PIK3AP1: variants seen among roughly 807,000 people sequenced by gnomAD.
PIK3AP1 encodes the protein phosphoinositide-3-kinase adaptor protein 1.
In PIK3AP1, 21 loss-of-function variants were observed where a neutral mutation model predicts 88.1. The observed-to-expected ratio is 0.24, with a 90% CI of 0.17 to 0.34. PIK3AP1 has a LOEUF of 0.34. Among genes scored for constraint, PIK3AP1 ranks in the 10% least tolerant of loss-of-function variants. The pLI, the probability that PIK3AP1 is intolerant of heterozygous loss-of-function variation, is 1.00. For missense variants in PIK3AP1, 828 were observed against 1,035.7 expected (o/e 0.80, Z 2.75); for synonymous variants, 398 against 400.0 (o/e 1.00, Z 0.06).
chr10:96,657,055 C>G (rs1843624807), intron 2 of PIK3AP1, 121 bp from the exon 3 acceptor site: 1 of 1,031,090 alleles, frequency 9.7e-7, no homozygotes, highest in Non-Finnish European at 1.4e-6. Context: ...CAAACCAATA[C>G]AAGCAGAAGG....
In PIK3AP1 at chr10:96,709,974, C is replaced by T; in HGVS notation, c.23G>A (p.Arg8Lys). The T allele has an allele frequency of 6.3e-7, 1 of 1,583,220 alleles. No homozygotes were observed. Among genetic ancestry groups the T allele is most frequent in the African/African-American group, 1.3e-5 (1 of 74,554 alleles). The change falls in exon 2 of 17, where the codon AGA becomes AAA. Residue 8 changes from arginine to lysine, a missense_variant. This residue lies in a region of PIK3AP1 where 610 missense variants were observed against 760.1 expected (regional missense o/e 0.80). Transcript: ENST00000339364. The stretch of plus-strand genomic sequence containing the variant: ...GTAGACGATGAGGATGTCGCATCCT[C>T]TGGGCACCCCTGGACAAGAATGAGG... Reference protein sequence around the residue: MAASGVPRGCDILIVYSP... With the variant: MAASGVPKGCDILIVYSP...
intron 2 of PIK3AP1, among the ~76,000 whole-genome samples, chr10:96,687,648 A>C (rs1441391487): frequency 6.6e-6 from 1 of 151,954 alleles, no homozygotes; most frequent in Non-Finnish European, 1.5e-5. Flanking sequence ...TTCCCTCCTA[A>C]ATCTCGTACA....
At chr10:96,631,296 A>C (rs1444296721) in intron 8 of PIK3AP1, among the ~76,000 whole-genome samples, 2 of 152,234 alleles carry the variant, frequency 1.3e-5, no homozygotes, top group African/African-American at 4.8e-5. Flanking sequence ...TGCAAACCTC[A>C]CACAATCTGT....
chr10:96,634,078 C>T (rs1346269463), intron 8 of PIK3AP1, among the ~76,000 whole-genome samples: 2 of 152,230 alleles, frequency 1.3e-5, no homozygotes, highest in Admixed American at 6.5e-5. Flanking sequence ...ACCTATCACA[C>T]TCTTTATTGG....
At chr10:96,648,619 G>A (rs377715162) in intron 7 of PIK3AP1, 40 bp downstream of exon 7, 152 of 1,564,322 alleles carry the variant, frequency 9.7e-5, no homozygotes, top group Non-Finnish European at 1.2e-4. Context: ...CTACCACAGA[G>A]TGCATTTCCA....
chr10:96,701,367 T>C (rs1844295882), intron 2 of PIK3AP1, among the ~76,000 whole-genome samples: 1 of 152,230 alleles, frequency 6.6e-6, no homozygotes, highest in South Asian at 2.1e-4. Context: ...CCAAAGGCCC[T>C]GTGTTCCAAA....
At chr10:96,703,606 C>T (rs1564989551) in intron 2 of PIK3AP1, among the ~76,000 whole-genome samples, 1 of 152,048 alleles carries the variant, frequency 6.6e-6, no homozygotes, top group Non-Finnish European at 1.5e-5. Context: ...AAGAATAGAG[C>T]CCCAGTAAAA....
chr10:96,623,638 T>C, intron 10 of PIK3AP1, 101 bp from the exon 11 acceptor site: 1 of 1,037,776 alleles, frequency 9.6e-7, no homozygotes, highest in Non-Finnish European at 1.4e-6. Context: ...TATGTGGTTC[T>C]GTAAATCAAA....
chr10:96,610,875 AC>A lies in PIK3AP1; in HGVS notation c.2015-1009del, dbSNP rs377321339. On this transcript the variant is annotated intron_variant, in intron 13 of 16. Coordinates refer to ENST00000339364, the MANE Select transcript of PIK3AP1 (RefSeq NM_152309.3). ...CTCAAGACTCCCCCGGCTGCCTGGG[AC>A]CTTCTCAAGCCCAGGGGCAGGGTTT... 2.8e-3 allele frequency among the ~76,000 whole-genome samples: 428 copies of A among 152,272 alleles called. 1 individual carries two copies. Among genetic ancestry groups the A allele is most frequent in the Non-Finnish European group, 4.3e-3 (295 of 68,002 alleles).
Position 96,648,782 on chromosome 10 carries a change from C to T in PIK3AP1, c.1062G>A (p.Leu354=). ...AKYGLKNLTA[L]LLTCPGALQA... ...GCAGGGCTCCTGGGCAGGTGAGCAACAAGGCAGTGAGGTTCTTCAGTCCAT... is the reference window on the plus strand; with the variant it reads ...GCAGGGCTCCTGGGCAGGTGAGCAATAAGGCAGTGAGGTTCTTCAGTCCAT... Residue 354 remains leucine, a synonymous_variant, in exon 7 of 17, where the codon TTG becomes TTA. Coordinates refer to ENST00000339364, the MANE Select transcript of PIK3AP1 (RefSeq NM_152309.3). 6.2e-7 allele frequency: 1 copy of T among 1,609,618 alleles called. No homozygotes were observed. Among genetic ancestry groups the T allele is most frequent in the Non-Finnish European group, 8.5e-7 (1 of 1,178,270 alleles).
intron 8 of PIK3AP1, among the ~76,000 whole-genome samples, chr10:96,644,118 G>A (rs984163929): frequency 5.9e-5 from 9 of 152,182 alleles, no homozygotes; most frequent in African/African-American, 9.7e-5. Context: ...AAGGGTGGTG[G>A]CACTGCCCCC....
chr10:96,623,876 A>G (rs1017743158), intron 10 of PIK3AP1, among the ~76,000 whole-genome samples: 1 of 152,248 alleles, frequency 6.6e-6, no homozygotes, highest in Non-Finnish European at 1.5e-5. Context: ...AAAAGGAAGT[A>G]CCACTTAAAA....
At chr10:96,596,351 CTCACTGGCCCTGATGCTTCCCCATG>C (rs1403129209) in intron 16 of PIK3AP1, among the ~76,000 whole-genome samples, 1 of 152,242 alleles carries the variant, frequency 6.6e-6, no homozygotes, top group Non-Finnish European at 1.5e-5. Flanking sequence ...CCTCTGCCTC[CTCACTGGCCCTGATGCTTCCCCATG>C]TAGCCCCCTA....
intron 2 of PIK3AP1, among the ~76,000 whole-genome samples, chr10:96,690,680 A>AC (rs1234449459): frequency 2.0e-5 from 3 of 152,056 alleles, no homozygotes; most frequent in Non-Finnish European, 4.4e-5. Context: ...GAAAATCTTG[A>AC]CCCCTCCACA....
At chr10:96,612,918 A>G (rs1448886084) in intron 13 of PIK3AP1, among the ~76,000 whole-genome samples, 1 of 141,680 alleles carries the variant, frequency 7.1e-6, no homozygotes, top group African/African-American at 2.7e-5. Context: ...AACACTGTGA[A>G]TGTACTTTAT....
Position 96,687,243 on chromosome 10 carries a change from G to A in PIK3AP1, c.430+22324C>T, listed in dbSNP as rs559546114. Among the ~76,000 whole-genome samples, 5 of 99,990 alleles carry A rather than the reference G, an allele frequency of 5.0e-5. No homozygotes were observed. The East Asian group carries it at 1.0e-3, about 20-fold the overall frequency. The allele number at this position is 99,990 out of a possible 152,430, so 65.6% of individuals were successfully genotyped here. ...CGCAGTCCGGCCTGGGCAAAAGAGC[G>A]ATACTCCATCTCAAAAAAAAAAAAA... On this transcript the variant is annotated intron_variant, in intron 2 of 16. Coordinates refer to ENST00000339364, the MANE Select transcript of PIK3AP1 (RefSeq NM_152309.3).
At position 96,620,349 on chromosome 10, in the gene PIK3AP1, T is replaced by C; in HGVS notation, c.1941+3A>G. 2 of 1,613,748 alleles carry C rather than the reference T, an allele frequency of 1.2e-6. No homozygotes were observed. Among genetic ancestry groups the C allele is most frequent in the Non-Finnish European group, 1.7e-6 (2 of 1,179,692 alleles). On this transcript the variant is annotated splice_donor_region_variant and intron_variant, in intron 12 of 16. Coordinates refer to ENST00000339364, the MANE Select transcript of PIK3AP1 (RefSeq NM_152309.3). The stretch of plus-strand genomic sequence containing the variant: ...GAAACAAATTCCATACGAAGCTAGT[T>C]ACCTGCTGGAAACGAAAGGACTCCG...
intron 8 of PIK3AP1, among the ~76,000 whole-genome samples, chr10:96,643,494 C>T (rs1013265949): frequency 3.9e-5 from 6 of 152,136 alleles, no homozygotes. Context: ...GCTTTCTCTC[C>T]CCACATCCAT....
chr10:96,597,822 C>T (rs1264417697), intron 16 of PIK3AP1, among the ~76,000 whole-genome samples: 1 of 152,032 alleles, frequency 6.6e-6, no homozygotes. Flanking sequence ...CCCCATGAGC[C>T]TTACATTTTA....
Sources: allele counts gnomAD v4.1 joint callset (sites outside exome capture counted in the v4.1 genomes callset), GRCh38; gene constraint gnomAD v4.1.1; regional missense constraint gnomAD v4.1.1; transcripts MANE v1.5; gene names NCBI Gene and HGNC (gene_info 2026-07-23, HGNC 2026-07-21).